The following BPIFC variants were observed in gnomAD, a reference collection of about 807,000 sequenced individuals.
BPIFC encodes the protein BPI fold containing family C.
Under a neutral mutation model 57.6 loss-of-function variants are expected in BPIFC, and 60 were observed. The ratio of observed to expected loss-of-function variants is 1.04; its 90% CI spans 0.85 to 1.29. The LOEUF is 1.29. Ranked by LOEUF, BPIFC falls within the 50% of genes most tolerant of loss-of-function variation. BPIFC has a pLI of 0.00. For synonymous variants in BPIFC, 243 were observed against 224.5 expected, an observed-to-expected ratio of 1.08 and a Z score of -0.74; for missense variants, 581 against 600.5, an observed-to-expected ratio of 0.97 and a Z score of 0.34.
chr22:32,461,702 G>A (rs1029210681), intron 1 of BPIFC, 41 bp from the exon 2 acceptor site: 85 of 952,026 alleles, frequency 8.9e-5, no homozygotes, highest in Non-Finnish European at 1.0e-4. Context: ...TGGGAGTGAG[G>A]AGAACACTTC....
rs755176296 is a variant in BPIFC, at chr22:32,414,277, T to C, written c.*26A>G. The stretch of plus-strand genomic sequence containing the variant: ...GTTGTAGGATTAAGGACCATTTACT[T>C]CCTGGGGTGAATTGCAAACCGGCAA... On this transcript the variant is annotated 3_prime_UTR_variant, in exon 17 of 17. Transcript: ENST00000300399. 1.2e-6 allele frequency: 2 copies of C among 1,612,174 alleles called. No homozygotes were observed. Among genetic ancestry groups the C allele is most frequent in the South Asian group, 2.2e-5 (2 of 90,860 alleles).
chr22:32,437,544 C>T (rs556704420), intron 9 of BPIFC, among the ~76,000 whole-genome samples: 20 of 152,260 alleles, frequency 1.3e-4, no homozygotes, highest in African/African-American at 4.8e-4. Context: ...CTGTGTGCCA[C>T]CACACTGGCT....
rs1299400110 is a variant in BPIFC, at chr22:32,431,401, C to G, written c.1163G>C (p.Ser388Thr). The G allele has an allele frequency of 6.2e-7, 1 of 1,609,914 alleles. No homozygotes were observed. The highest frequency in any genetic ancestry group is 8.5e-7 in the Non-Finnish European group (1 of 1,176,574). Residue 388 changes from serine (S) to threonine (T), a missense_variant, in exon 13 of 17, where the codon AGT becomes ACT. Ser to Thr is a moderately conservative substitution (Grantham distance 58, BLOSUM62 1). Transcript: ENST00000300399. ...IVSMDFVAST[S>T]VGLVILGQRL... ...TTGTCCCAAAATAACCAGGCCAACA[C>G]TGGTACTAGCAACCTATAGACAATA...
chr22:32,461,090 C>G (rs880867), intron 2 of BPIFC, among the ~76,000 whole-genome samples: 31 of 151,724 alleles, frequency 2.0e-4, no homozygotes, highest in African/African-American at 7.3e-4. Context: ...AGTTGAGTGC[C>G]AGATCATGGG....
intron 11 of BPIFC, 64 bp from the exon 12 acceptor site, chr22:32,432,607 G>A: frequency 6.6e-7 from 1 of 1,508,336 alleles, no homozygotes; most frequent in Non-Finnish European, 9.2e-7. Context: ...GAGATCACAA[G>A]GTTAGGATGG....
rs1168672343 is a variant in BPIFC, at chr22:32,417,037, A to C, written c.1324+48T>G. The C allele has an allele frequency of 3.5e-6, 5 of 1,434,246 alleles. 1 individual carries two copies. The South Asian group carries it at 5.7e-5, about 16-fold the overall frequency. The allele number at this position is 1,434,246 out of a possible 1,614,324, so 88.8% of individuals were successfully genotyped here. On this transcript the variant is annotated intron_variant, in intron 15 of 16. Coordinates refer to ENST00000300399, the MANE Select transcript of BPIFC (RefSeq NM_174932.3). Reference sequence around the variant, plus strand: ...CCCCAGTGCAGCCGATGCAGATGTTAAATGTTAGCCGATGTTACAGTCACA... The same window carrying C: ...CCCCAGTGCAGCCGATGCAGATGTTCAATGTTAGCCGATGTTACAGTCACA...
chr22:32,436,162 C>T (rs12165619), intron 9 of BPIFC, among the ~76,000 whole-genome samples: 11,240 of 152,030 alleles, frequency 0.074, 471 homozygotes, highest in Middle Eastern at 0.13. Flanking sequence ...GGTGTGGTGG[C>T]GCGTACCTGT....
chr22:32,461,725 T>TAACCTG, intron 1 of BPIFC, 64 bp from the exon 2 acceptor site: 2 of 815,520 alleles, frequency 2.5e-6, no homozygotes, highest in African/African-American at 1.9e-5. Context: ...GGACTCAGGT[T>TAACCTG]AGTGGCTGCT....
intron 5 of BPIFC, 66 bp downstream of exon 5, chr22:32,447,146 T>C (rs1010523773): frequency 1.7e-5 from 25 of 1,437,688 alleles, no homozygotes; most frequent in Non-Finnish European, 2.3e-5. Context: ...TTGGTGAATT[T>C]CTACATTTTC....
chr22:32,439,587 C>A (rs1934507757), intron 8 of BPIFC, among the ~76,000 whole-genome samples: 1 of 151,316 alleles, frequency 6.6e-6, no homozygotes, highest in Non-Finnish European at 1.5e-5. Flanking sequence ...ATAATATTAT[C>A]CTAAGCCACC....
At chr22:32,433,859 G>A (rs145896215) in intron 10 of BPIFC, 87 bp from the exon 11 acceptor site, 10 of 1,141,912 alleles carry the variant, frequency 8.8e-6, no homozygotes, top group African/African-American at 4.5e-5. Context: ...ATAATTTGAC[G>A]AATTGTGAAG....
rs571021508 is a variant in BPIFC, at chr22:32,430,054, C to T, written c.1217+1293G>A. On this transcript the variant is annotated intron_variant, in intron 13 of 16. Coordinates refer to ENST00000300399, the MANE Select transcript of BPIFC (RefSeq NM_174932.3). ...GGCTGAGGAAAATGGGCTTTGCAGA[C>T]GGTTCTGCCGAATGGCACTTAGTGG... Among the ~76,000 whole-genome samples, 30 of 152,304 alleles carry T rather than the reference C, an allele frequency of 2.0e-4. 1 individual carries two copies. The South Asian group carries it at 6.0e-3, about 30-fold the overall frequency.
intron 13 of BPIFC, among the ~76,000 whole-genome samples, chr22:32,427,386 T>C (rs1274898197): frequency 6.6e-6 from 1 of 152,182 alleles, no homozygotes; most frequent in African/African-American, 2.4e-5. Flanking sequence ...GATTAAATTC[T>C]TCCTTGAGAT....
At chr22:32,440,059 C>T (rs991830106) in intron 8 of BPIFC, among the ~76,000 whole-genome samples, 2 of 152,212 alleles carry the variant, frequency 1.3e-5, no homozygotes, top group African/African-American at 4.8e-5. Flanking sequence ...TCTTTCCTCA[C>T]TACATCTTGT....
intron 13 of BPIFC, among the ~76,000 whole-genome samples, chr22:32,426,901 AAAG>A (rs201467072): frequency 0.18 from 25,458 of 139,912 alleles, 2,476 homozygotes; most frequent in East Asian, 0.45. Context: ...GAAAAAAAAA[AAAG>A]AAAGAAAGAA....
chr22:32,428,655 T>G (rs1196855505), intron 13 of BPIFC, among the ~76,000 whole-genome samples: 1 of 152,078 alleles, frequency 6.6e-6, no homozygotes, highest in Non-Finnish European at 1.5e-5. Flanking sequence ...TCCCAGCACT[T>G]TGGGAGGCCG....
chr22:32,432,343 C>T, intron 12 of BPIFC, 30 bp downstream of exon 12: 1 of 1,610,832 alleles, frequency 6.2e-7, no homozygotes, highest in Non-Finnish European at 8.5e-7. Context: ...TTGGCATCTA[C>T]AGGCTGCTCC....
chr22:32,429,518 T>G (rs1338964414), intron 13 of BPIFC, among the ~76,000 whole-genome samples: 12 of 124,516 alleles, frequency 9.6e-5, no homozygotes, highest in African/African-American at 3.3e-4. Flanking sequence ...TGTTTTTTTT[T>G]TTTTTTTTTT....
chr22:32,449,640 T>A (rs1327187257), intron 4 of BPIFC, among the ~76,000 whole-genome samples: 1 of 152,218 alleles, frequency 6.6e-6, no homozygotes, highest in African/African-American at 2.4e-5. Context: ...AAATCATTCC[T>A]ATGTTGGTGG....
Sources: gnomAD v4.1 joint callset for allele counts (sites outside exome capture counted in the v4.1 genomes callset) on GRCh38, gnomAD v4.1.1 for gene constraint, MANE v1.5 for transcripts, NCBI Gene and HGNC (gene_info 2026-07-23, HGNC 2026-07-21) for gene names.